The following GSDMA variants were observed in gnomAD, a reference collection of about 807,000 sequenced individuals.
GSDMA encodes the protein gasdermin A, also known as gasdermin-A.
A neutral mutation model predicts 54.3 loss-of-function variants in GSDMA; 55 were observed. The ratio of observed to expected loss-of-function variants is 1.01; its 90% CI spans 0.82 to 1.27. GSDMA has a LOEUF of 1.27. GSDMA is among the 50% of genes most tolerant of loss of function. GSDMA has a pLI of 0.00. For missense variants in GSDMA, 542 were observed against 542.6 expected (o/e 1.00, Z 0.01); for synonymous variants, 211 against 224.7 (o/e 0.94, Z 0.54).
At chr17:39,969,423 G>A (rs1449019246) in intron 3 of GSDMA, among the ~76,000 whole-genome samples, 1 of 151,722 alleles carries the variant, frequency 6.6e-6, no homozygotes, top group Non-Finnish European at 1.5e-5. Context: ...AAACAGGACT[G>A]AGAACAGAAT....
At chr17:39,974,816 C>A in intron 9 of GSDMA, 84 bp from the exon 10 acceptor site, 1 of 741,668 alleles carries the variant, frequency 1.3e-6, no homozygotes, top group East Asian at 2.7e-5. Context: ...AGAGTTTCCG[C>A]ATGTCAAGGG....
chr17:39,973,588 T>A (rs11870683), intron 7 of GSDMA, among the ~76,000 whole-genome samples: 44,879 of 148,596 alleles, frequency 0.3, 7,548 homozygotes, highest in Middle Eastern at 0.49. Context: ...AAATTAAGAG[T>A]CTTAGTAGCT....
At chr17:39,973,272 C>T (rs1438205760) in intron 7 of GSDMA, among the ~76,000 whole-genome samples, 16 of 143,188 alleles carry the variant, frequency 1.1e-4, no homozygotes, top group African/African-American at 3.9e-4. Context: ...GGCGCCTGGC[C>T]TTTTTTTTTT....
At chr17:39,975,277 C>G (rs964841579) in intron 10 of GSDMA, among the ~76,000 whole-genome samples, 1 of 152,008 alleles carries the variant, frequency 6.6e-6, no homozygotes, top group Admixed American at 6.6e-5. Context: ...GGTGAAACCC[C>G]GCCTCTTCCA....
chr17:39,967,259 T>C (rs1979711060), intron 3 of GSDMA, among the ~76,000 whole-genome samples: 1 of 152,194 alleles, frequency 6.6e-6, no homozygotes, highest in Non-Finnish European at 1.5e-5. Context: ...TAGGGATGGT[T>C]TGACTGAGTC....
rs1038916186 is a variant in GSDMA, at chr17:39,972,733, T to C, written c.730+120T>C. 3 of 924,778 alleles carry C rather than the reference T, an allele frequency of 3.2e-6. No homozygotes were observed. The African/African-American group carries it at 4.9e-5, about 15-fold the overall frequency. The allele number at this position is 924,778 out of a possible 1,614,324, so 57.3% of individuals were successfully genotyped here. On this transcript the variant is annotated intron_variant, in intron 7 of 11. Coordinates refer to ENST00000301659, the MANE Select transcript of GSDMA (RefSeq NM_178171.5). ...TAGCAGAGCGAATCTCAGCAAATAA[T>C]TGTCCCCGAAACATGGCAGAAATTC...
At position 39,976,829 on chromosome 17, in the gene GSDMA, T is replaced by C. The variant is rs1980219277; in HGVS notation, c.1109T>C (p.Met370Thr). 2 of 1,613,892 alleles carry C rather than the reference T, an allele frequency of 1.2e-6. No individual in the cohort carries two copies. The highest frequency in any genetic ancestry group is 1.7e-6 in the Non-Finnish European group (2 of 1,179,910). The change falls in exon 12 of 12, where the codon ATG (methionine) becomes ACG (threonine). Residue 370 changes from methionine to threonine, a missense_variant. Physicochemically the swap from Met to Thr is moderately conservative, Grantham distance 81 (BLOSUM62 -1). Transcript: ENST00000301659. The stretch of plus-strand genomic sequence containing the variant: ...GATTCCCTCCAGGTGGAGAGCACGA[T>C]GGAACAGAACTTCCTGCTGGATAAA... ...PVQLKLVEST[M>T]EQNFLLDKEG...
chr17:39,969,356 A>AG (rs984480141), intron 3 of GSDMA, among the ~76,000 whole-genome samples: 1 of 151,320 alleles, frequency 6.6e-6, no homozygotes, highest in Non-Finnish European at 1.5e-5. Context: ...AAAAAAAAAA[A>AG]AAAGAAAAAA....
intron 7 of GSDMA, among the ~76,000 whole-genome samples, chr17:39,973,065 C>T (rs1002324513): frequency 5.9e-5 from 9 of 152,016 alleles, no homozygotes; most frequent in Non-Finnish European, 1.3e-4. Flanking sequence ...TCCACCTCCC[C>T]GGTTCAAGTG....
intron 4 of GSDMA, among the ~76,000 whole-genome samples, chr17:39,971,142 G>A (rs562711757): frequency 6.4e-4 from 97 of 152,290 alleles, no homozygotes; most frequent in African/African-American, 2.1e-3. Flanking sequence ...CATGGAAGGC[G>A]TCCTGAAAGA....
At chr17:39,973,965 G>A in intron 8 of GSDMA, 135 bp downstream of exon 8, 1 of 892,784 alleles carries the variant, frequency 1.1e-6, no homozygotes, top group Non-Finnish European at 1.8e-6. Context: ...TCCACTTTTT[G>A]CTGGAGTCTC....
chr17:39,970,767 C>T (rs1371612709), intron 4 of GSDMA, 120 bp downstream of exon 4: 12 of 915,642 alleles, frequency 1.3e-5, no homozygotes, highest in Admixed American at 8.9e-5. Context: ...CAGCGCCCAC[C>T]GAGGATGCTG....
intron 7 of GSDMA, among the ~76,000 whole-genome samples, chr17:39,972,968 T>C (rs554314001): frequency 6.6e-6 from 1 of 152,116 alleles, no homozygotes; most frequent in Admixed American, 6.5e-5. Context: ...ATGTCTCTAT[T>C]TAAAAAAAAA....
At chr17:39,970,184 A>C (rs1979867790) in intron 3 of GSDMA, among the ~76,000 whole-genome samples, 1 of 152,198 alleles carries the variant, frequency 6.6e-6, no homozygotes, top group Non-Finnish European at 1.5e-5. Context: ...GGGGGTAAGA[A>C]GCACCCAAGA....
rs1568133629 is a variant in GSDMA at position 39,977,133 on chromosome 17, G to A, written c.*75G>A. On this transcript the variant is annotated 3_prime_UTR_variant, in exon 12 of 12. Coordinates refer to ENST00000301659, the MANE Select transcript of GSDMA (RefSeq NM_178171.5). The stretch of plus-strand genomic sequence containing the variant: ...TGGTGCTGTGTCCTTACCACCTAAG[G>A]GCATTTCAGAGCCATCAGCTGAAGA... 1.3e-6 allele frequency: 2 copies of A among 1,534,638 alleles called. No homozygotes were observed. Among genetic ancestry groups the A allele is most frequent in the Non-Finnish European group, 1.8e-6 (2 of 1,125,232 alleles).
At chr17:39,975,256 C>T (rs966641115) in intron 10 of GSDMA, among the ~76,000 whole-genome samples, 7 of 152,156 alleles carry the variant, frequency 4.6e-5, no homozygotes, top group Non-Finnish European at 8.8e-5. Flanking sequence ...CGAGATCAGC[C>T]TGGCCAACAT....
At chr17:39,976,290 T>G (rs1159339841) in intron 11 of GSDMA, among the ~76,000 whole-genome samples, 3 of 152,032 alleles carry the variant, frequency 2.0e-5, no homozygotes, top group African/African-American at 4.8e-5. Flanking sequence ...TTTTTTTTTT[T>G]TTTTTGAGAT....
chr17:39,972,473 T>C, intron 6 of GSDMA, 114 bp from the exon 7 acceptor site: 3 of 971,610 alleles, frequency 3.1e-6, no homozygotes, highest in Non-Finnish European at 3.2e-6. Context: ...TGAGCTAGCA[T>C]AATCTCCCTG....
rs367666201 is a variant in GSDMA, at chr17:39,975,986, C to T, written c.1084C>T (p.Gln362Ter). ...CATGGAGAAAAAGATCCTACCCGTG[C>T]AGCTAAAGCTGGTGAGGGAAAAACA... The part of the protein sequence containing the change: ...KSMEKKILPV[Q>*]LKLVESTMEQ... The change falls in exon 11 of 12, where the codon CAG (glutamine) becomes TAG (stop). Residue 362 changes from glutamine (Q) to a stop codon, truncating the protein, a stop_gained. Transcript: ENST00000301659. LOFTEE classifies it high-confidence loss of function. The T allele has an allele frequency of 6.9e-6, 11 of 1,593,542 alleles. No individual in the cohort carries two copies. Among genetic ancestry groups the T allele is most frequent in the Non-Finnish European group, 9.4e-6 (11 of 1,169,616 alleles).
Sources: gnomAD v4.1 joint callset for allele counts (sites outside exome capture counted in the v4.1 genomes callset) on GRCh38, gnomAD v4.1.1 for gene constraint, MANE v1.5 for transcripts, NCBI Gene and HGNC (gene_info 2026-07-23, HGNC 2026-07-21) for gene names.